SETX: variants seen among roughly 807,000 people sequenced by gnomAD.
The protein encoded by SETX is senataxin.
SETX carries 90 observed loss-of-function variants against 227.2 expected under a neutral mutation model. That is an observed-to-expected ratio of 0.40 (90% CI 0.33 to 0.47). SETX has a LOEUF of 0.47. Ranked by LOEUF, SETX falls within the 20% of genes least tolerant of loss-of-function variation. SETX has a pLI of 0.91. For synonymous variants in SETX, 1,210 were observed against 1,113.2 expected (o/e 1.09, Z -1.73); for missense variants, 3,052 against 3,181.5 (o/e 0.96, Z 0.98).
At chr9:132,346,011 C>T (rs1452955334) in intron 4 of SETX, among the ~76,000 whole-genome samples, 1 of 151,968 alleles carries the variant, frequency 6.6e-6, no homozygotes, top group Non-Finnish European at 1.5e-5. Context: ...ACAGCAAGAC[C>T]CTGTCTCTAA....
intron 11 of SETX, among the ~76,000 whole-genome samples, chr9:132,304,424 T>G (rs1266019638): frequency 6.6e-6 from 1 of 151,308 alleles, no homozygotes; most frequent in African/African-American, 2.4e-5. Context: ...CAGAAAAGGG[T>G]GTCACTGAAC....
At position 132,275,142 on chromosome 9, in the gene SETX, G is replaced by C. The variant is rs138772024; in HGVS notation, c.7100+114C>G. ...AGCAGCATCCCAGCTTCCTCGTGCC[G>C]TATCACCAATTTGCACAGACCACTC... is the stretch of plus-strand genomic sequence containing the variant. On this transcript the variant is annotated intron_variant, in intron 23 of 25. Coordinates refer to ENST00000224140, the MANE Select transcript of SETX (RefSeq NM_015046.7). 27 of 1,136,404 alleles carry C rather than the reference G, an allele frequency of 2.4e-5. No homozygotes were observed. In the African/African-American group the frequency reaches 3.5e-4, roughly 15 times the overall value. The allele number at this position is 1,136,404 out of a possible 1,614,324, so 70.4% of individuals were successfully genotyped here. A position where few individuals can be genotyped will look rare whatever the true frequency, so the allele number is the denominator to read the frequency against.
At chr9:132,273,951 A>G (rs1003887872) in intron 23 of SETX, among the ~76,000 whole-genome samples, 1 of 147,020 alleles carries the variant, frequency 6.8e-6, no homozygotes, top group Non-Finnish European at 1.5e-5. Flanking sequence ...TTTATTAATA[A>G]AAAAAGTTCC....
chr9:132,289,262 C>G (rs950482386), intron 15 of SETX, among the ~76,000 whole-genome samples: 6 of 152,280 alleles, frequency 3.9e-5, no homozygotes, highest in Non-Finnish European at 8.8e-5. Context: ...TAGGCCCACT[C>G]CCCACAGCTG....
intron 22 of SETX, among the ~76,000 whole-genome samples, chr9:132,276,416 G>A (rs113467044): frequency 0.094 from 14,363 of 152,046 alleles, 754 homozygotes; most frequent in South Asian, 0.15. Context: ...CCTGATTCTC[G>A]CCTGAGGACG....
intron 3 of SETX, among the ~76,000 whole-genome samples, chr9:132,348,411 G>A (rs1848430882): frequency 1.3e-5 from 2 of 148,984 alleles, no homozygotes; most frequent in Non-Finnish European, 3.0e-5. Context: ...AAAAACCCAG[G>A]CCATTCAGAT....
intron 5 of SETX, among the ~76,000 whole-genome samples, chr9:132,338,498 C>T (rs976259524): frequency 1.3e-5 from 2 of 152,060 alleles, no homozygotes; most frequent in Non-Finnish European, 2.9e-5. Context: ...ACTAAATGGA[C>T]GTGACAGCTA....
At chr9:132,342,549 C>T (rs1848042233) in intron 5 of SETX, 141 bp downstream of exon 5, 1 of 779,066 alleles carries the variant, frequency 1.3e-6, no homozygotes, top group Non-Finnish European at 2.3e-6. Context: ...AGAGCGCCCT[C>T]TACTTAACTG....
At chr9:132,312,824 T>C (rs1240855266) in intron 10 of SETX, among the ~76,000 whole-genome samples, 2 of 152,206 alleles carry the variant, frequency 1.3e-5, no homozygotes, top group Non-Finnish European at 2.9e-5. Context: ...ATCACCAAAA[T>C]GTGGAAACAA....
rs1249370554 is a variant in SETX at position 132,342,700 on chromosome 9, G to C, written c.488C>G (p.Pro163Arg). ...AACACTCACACTCACCATTTCATTG[G>C]GATGGACTAAAAACAAATAGATCCC... ...HPGIYLFLVH[P>R]NEMVRRWAIL... The change falls in exon 5 of 26, where the codon CCC (proline) becomes CGC (arginine). Residue 163 changes from proline to arginine, a missense_variant. Coordinates refer to ENST00000224140, the MANE Select transcript of SETX (RefSeq NM_015046.7). 6.2e-7 allele frequency: 1 copy of C among 1,609,484 alleles called. No homozygotes were observed. The highest frequency in any genetic ancestry group is 1.1e-5 in the South Asian group (1 of 90,978).
At position 132,326,766 on chromosome 9, in the gene SETX, G is replaced by T; in HGVS notation, c.4832C>A (p.Ser1611Tyr). 6.2e-7 allele frequency: 1 copy of T among 1,614,224 alleles called. No homozygotes were observed. The highest frequency in any genetic ancestry group is 8.5e-7 in the Non-Finnish European group (1 of 1,180,042). ...TGCTGAAGAAGTTTCCAAAGATTTA[G>T]AAAGACCAGCAATTCGTGAAGTACT... ...SKSTSRIAGL[S>Y]KSLETSSALS... Residue 1611 changes from serine (S) to tyrosine (Y), a missense_variant, in exon 10 of 26, where the codon TCT (serine) becomes TAT (tyrosine). Transcript: ENST00000224140.
At chr9:132,273,095 T>C (rs1842976769) in intron 23 of SETX, among the ~76,000 whole-genome samples, 1 of 150,174 alleles carries the variant, frequency 6.7e-6, no homozygotes, top group Non-Finnish European at 1.5e-5. Context: ...ACACAAAAAA[T>C]GCAAAAAACA....
At chr9:132,348,362 C>CAAAAA (rs1343590099) in intron 3 of SETX, among the ~76,000 whole-genome samples, 1 of 11,674 alleles carries the variant, frequency 8.6e-5, no homozygotes. Context: ...GACTCTGTCT[C>CAAAAA]AAAAAAAAAA....
At chr9:132,326,018 C>CT (rs993570212) in intron 10 of SETX, among the ~76,000 whole-genome samples, 2 of 150,456 alleles carry the variant, frequency 1.3e-5, no homozygotes, top group African/African-American at 4.9e-5. Context: ...AACATGAAAT[C>CT]TAAAACCAGT....
chr9:132,314,804 C>T (rs1233129701), intron 10 of SETX, among the ~76,000 whole-genome samples: 1 of 150,936 alleles, frequency 6.6e-6, no homozygotes, highest in Non-Finnish European at 1.5e-5. Flanking sequence ...TCCACATAGA[C>T]TAAATACACT....
At chr9:132,353,490 G>C (rs547294656) in intron 2 of SETX, among the ~76,000 whole-genome samples, 159 bp downstream of exon 2, 1 of 151,904 alleles carries the variant, frequency 6.6e-6, no homozygotes, top group Non-Finnish European at 1.5e-5. Context: ...AGCTCTTCCT[G>C]AGTGTCATCA....
At chr9:132,271,880 GT>G in intron 23 of SETX, 72 bp from the exon 24 acceptor site, 1 of 1,313,996 alleles carries the variant, frequency 7.6e-7, no homozygotes, top group Non-Finnish European at 1.1e-6. Flanking sequence ...TTATAAACTA[GT>G]TTTTTGGTTT....
chr9:132,286,349 G>T, intron 18 of SETX, 74 bp downstream of exon 18: 2 of 1,061,376 alleles, frequency 1.9e-6, no homozygotes, highest in Non-Finnish European at 2.8e-6. Flanking sequence ...CCCATAGCTT[G>T]TCTGAACAGT....
At chr9:132,305,922 T>C (rs1845311438) in intron 11 of SETX, among the ~76,000 whole-genome samples, 1 of 152,236 alleles carries the variant, frequency 6.6e-6, no homozygotes, top group African/African-American at 2.4e-5. Flanking sequence ...TGATCATTGT[T>C]CTGTCTTTAC....
Sources: gnomAD v4.1 joint callset for allele counts (sites outside exome capture counted in the v4.1 genomes callset) on GRCh38, gnomAD v4.1.1 for gene constraint, MANE v1.5 for transcripts, NCBI Gene and HGNC (gene_info 2026-07-23, HGNC 2026-07-21) for gene names.